Variants in FAM222B observed in about 807,000 individuals in gnomAD.
FAM222B encodes protein FAM222B.
FAM222B carries 12 observed loss-of-function variants against 38.0 expected under a neutral mutation model. The observed-to-expected ratio is 0.32, with a 90% CI of 0.20 to 0.51. The LOEUF is 0.51. Ranked by LOEUF, FAM222B falls within the 20% of genes least tolerant of loss-of-function variation. FAM222B has a pLI of 0.97. For missense variants in FAM222B, 716 were observed against 754.2 expected (o/e 0.95, Z 0.59); for synonymous variants, 329 against 317.2 (o/e 1.04, Z -0.40).
chr17:28,843,127 TA>T (rs1478354404), upstream of FAM222B, among the ~76,000 whole-genome samples: 1 of 147,590 alleles, frequency 6.8e-6, no homozygotes, highest in East Asian at 2.0e-4. Flanking sequence ...CCACTGATGA[TA>T]AATTTGGGTC....
intron 1 of FAM222B, among the ~76,000 whole-genome samples, chr17:28,780,015 GGC>G (rs1205472820): frequency 2.0e-5 from 3 of 151,212 alleles, no homozygotes; most frequent in Non-Finnish European, 4.4e-5. Context: ...CTGTCGCCCA[GGC>G]TGGAGTGCAG....
chr17:28,809,985 GTTTTT>G (rs767791914), intron 1 of FAM222B, among the ~76,000 whole-genome samples: 2 of 150,602 alleles, frequency 1.3e-5, no homozygotes, highest in African/African-American at 4.9e-5. Context: ...CCTCCAACTG[GTTTTT>G]TTTTGTTTTT....
intron 2 of FAM222B, among the ~76,000 whole-genome samples, chr17:28,764,535 A>G (rs963854693): frequency 2.0e-5 from 3 of 152,008 alleles, no homozygotes; most frequent in Admixed American, 6.6e-5. Flanking sequence ...GATCACCTGA[A>G]GTCGGGAGTT....
In FAM222B at chr17:28,803,167, C is replaced by T. The variant is rs993878979; in HGVS notation, c.-40-36460G>A. 8.5e-5 allele frequency among the ~76,000 whole-genome samples: 13 copies of T among 152,120 alleles called. No individual in the cohort carries two copies. In the East Asian group the frequency reaches 2.5e-3, roughly 29 times the overall value. On this transcript the variant is annotated intron_variant, in intron 1 of 2. Transcript: ENST00000581407. Reference sequence around the variant, plus strand: ...GGGATTACAGGTGCATGCCACCATGCCTGGCTAATTTTTGAATTTTAGTAG... The same window carrying T: ...GGGATTACAGGTGCATGCCACCATGTCTGGCTAATTTTTGAATTTTAGTAG...
At chr17:28,800,448 A>C (rs2037165519) in intron 1 of FAM222B, among the ~76,000 whole-genome samples, 1 of 152,190 alleles carries the variant, frequency 6.6e-6, no homozygotes, top group Non-Finnish European at 1.5e-5. Flanking sequence ...GTGCAGGCTG[A>C]AGTGGCATAA....
At chr17:28,814,488 G>C (rs1463719202) in intron 1 of FAM222B, among the ~76,000 whole-genome samples, 1 of 152,040 alleles carries the variant, frequency 6.6e-6, no homozygotes, top group African/African-American at 2.4e-5. Context: ...ACGGAGTTTC[G>C]CTCTGTTTCC....
rs202231229 is a variant in FAM222B, at chr17:28,821,756, G to A, written c.-41+20926C>T. Among the ~76,000 whole-genome samples the A allele has an allele frequency of 7.2e-5, 11 of 152,150 alleles. No homozygotes were observed. In the East Asian group the frequency reaches 2.1e-3, roughly 30 times the overall value. ...GCAGGTGGATCACATGAGGTCAGGA[G>A]TTGGAGATCAGCCTGGCCAACATGG... is the stretch of plus-strand genomic sequence containing the variant. On this transcript the variant is annotated intron_variant, in intron 1 of 2. Coordinates refer to ENST00000581407, the MANE Select transcript of FAM222B (RefSeq NM_001077498.3).
At position 28,758,238 on chromosome 17, in the gene FAM222B, G is replaced by A. The variant is rs1282693743; in HGVS notation, c.*32C>T. 1 of 1,497,698 alleles carries A rather than the reference G, an allele frequency of 6.7e-7. No individual in the cohort carries two copies. Among genetic ancestry groups the A allele is most frequent in the Non-Finnish European group, 9.0e-7 (1 of 1,109,324 alleles). 92.8% of individuals were successfully genotyped at this position (1,497,698 alleles called of 1,614,324 possible). A position where few individuals can be genotyped will look rare whatever the true frequency, so the allele number is the denominator to read the frequency against. ...GACTAAACCTAGGAGGGTGATGTAT[G>A]ATGTGTTGCACGTGGAGGGCAGCAG... On this transcript the variant is annotated 3_prime_UTR_variant, in exon 3 of 3. Transcript: ENST00000581407.
At chr17:28,804,157 CA>C (rs1350826526) in intron 1 of FAM222B, among the ~76,000 whole-genome samples, 2 of 152,132 alleles carry the variant, frequency 1.3e-5, no homozygotes, top group African/African-American at 2.4e-5. Context: ...CCTTGGCAAT[CA>C]GAGCTCCTAG....
intron 1 of FAM222B, among the ~76,000 whole-genome samples, chr17:28,799,291 G>A (rs2037101691): frequency 7.3e-6 from 1 of 136,422 alleles, no homozygotes. Context: ...TTGTAACACA[G>A]AAAAACTTTT....
At chr17:28,784,052 G>A (rs1039942022) in intron 1 of FAM222B, among the ~76,000 whole-genome samples, 1 of 152,018 alleles carries the variant, frequency 6.6e-6, no homozygotes, top group Non-Finnish European at 1.5e-5. Context: ...CACCCGCCTC[G>A]GCCTCCCAAA....
chr17:28,822,864 T>TATATATATATAC (rs890920362), intron 1 of FAM222B, among the ~76,000 whole-genome samples: 1 of 80,002 alleles, frequency 1.2e-5, no homozygotes, highest in East Asian at 4.2e-4. Flanking sequence ...TATATATATA[T>TATATATATATAC]ACACACATAT....
At chr17:28,836,961 T>C (rs1414733060) in intron 1 of FAM222B, among the ~76,000 whole-genome samples, 1 of 151,684 alleles carries the variant, frequency 6.6e-6, no homozygotes, top group Non-Finnish European at 1.5e-5. Context: ...CTACTAAAAG[T>C]ACAAAAATTA....
At chr17:28,776,580 G>A (rs1269326950) in intron 1 of FAM222B, among the ~76,000 whole-genome samples, 7 of 149,302 alleles carry the variant, frequency 4.7e-5, no homozygotes, top group East Asian at 2.0e-4. Flanking sequence ...CTTCAGCCTC[G>A]TGTGTAGCTG....
chr17:28,790,091 T>C (rs1044666178), intron 1 of FAM222B, among the ~76,000 whole-genome samples: 2 of 152,222 alleles, frequency 1.3e-5, no homozygotes, highest in Admixed American at 1.3e-4. Context: ...TATAATTTTT[T>C]TTCTTGATTT....
intron 1 of FAM222B, among the ~76,000 whole-genome samples, chr17:28,830,227 T>G (rs1467611776): frequency 6.7e-6 from 1 of 148,400 alleles, no homozygotes; most frequent in East Asian, 2.0e-4. Flanking sequence ...AGTGGCGCGA[T>G]CTTGGCTCAC....
chr17:28,763,126 T>C (rs1177771236), intron 2 of FAM222B, among the ~76,000 whole-genome samples: 1 of 152,086 alleles, frequency 6.6e-6, no homozygotes, highest in Non-Finnish European at 1.5e-5. Flanking sequence ...ATGTAGGGAA[T>C]AGGAAATCTG....
chr17:28,816,073 C>CA (rs1337867324), intron 1 of FAM222B, among the ~76,000 whole-genome samples: 1 of 151,034 alleles, frequency 6.6e-6, no homozygotes, highest in Non-Finnish European at 1.5e-5. Flanking sequence ...GTCAGGGATT[C>CA]AAAACCAGCC....
intron 1 of FAM222B, among the ~76,000 whole-genome samples, chr17:28,820,586 A>T (rs901314845): frequency 6.6e-6 from 1 of 152,180 alleles, no homozygotes; most frequent in Non-Finnish European, 1.5e-5. Context: ...TGCAAGTACC[A>T]TAAGGTGGAA....
Sources: gnomAD v4.1 joint callset for allele counts (sites outside exome capture counted in the v4.1 genomes callset) on GRCh38, gnomAD v4.1.1 for gene constraint, MANE v1.5 for transcripts, NCBI Gene and HGNC (gene_info 2026-07-23, HGNC 2026-07-21) for gene names.